The following NAALADL2 variants were observed in gnomAD, a reference collection of about 807,000 sequenced individuals.
The protein encoded by NAALADL2 is inactive N-acetylated-alpha-linked acidic dipeptidase-like protein 2.
In NAALADL2, 76 loss-of-function variants were observed where a neutral mutation model predicts 87.2. That is an observed-to-expected ratio of 0.87 (90% confidence interval 0.72 to 1.05). The LOEUF is 1.05. Ranked by LOEUF, NAALADL2 falls within the 50% of genes least tolerant of loss-of-function variation. The pLI, the probability that NAALADL2 is intolerant of heterozygous loss-of-function variation, is 0.00. For synonymous variants in NAALADL2, 354 were observed against 331.0 expected, an observed-to-expected ratio of 1.07 and a Z score of -0.75; for missense variants, 1,089 against 945.8, an observed-to-expected ratio of 1.15 and a Z score of -1.99.
chr3:175,153,246 T>G (rs575847170), intron 2 of NAALADL2, among the ~76,000 whole-genome samples: 3 of 152,238 alleles, frequency 2.0e-5, no homozygotes, highest in South Asian at 2.1e-4. Context: ...GAGGGAGAGA[T>G]AAAAGCCTGC....
intron 9 of NAALADL2, among the ~76,000 whole-genome samples, chr3:175,568,222 T>C (rs1240960270): frequency 2.0e-5 from 3 of 152,112 alleles, no homozygotes; most frequent in Admixed American, 2.0e-4. Context: ...TCAGTAATCA[T>C]AACCTTTTGT....
chr3:174,906,835 A>G (rs938441455), intron 1 of NAALADL2, among the ~76,000 whole-genome samples: 3 of 152,150 alleles, frequency 2.0e-5, no homozygotes, highest in African/African-American at 4.8e-5. Flanking sequence ...GTAGCAATAG[A>G]TAACAATACA....
chr3:174,634,934 C>T (rs1033001313), intron 2 of NAALADL2, among the ~76,000 whole-genome samples: 2 of 152,044 alleles, frequency 1.3e-5, no homozygotes, highest in Admixed American at 1.3e-4. Context: ...AGATTTTAAT[C>T]ACTGGAAAAT....
chr3:174,857,843 A>G (rs1187331884), upstream of NAALADL2, among the ~76,000 whole-genome samples: 2 of 152,102 alleles, frequency 1.3e-5, no homozygotes, highest in Non-Finnish European at 2.9e-5. Context: ...GAGGTAATAA[A>G]TGAAAGAGAC....
At chr3:174,882,587 A>G (rs1258601846) in intron 1 of NAALADL2, among the ~76,000 whole-genome samples, 3 of 137,374 alleles carry the variant, frequency 2.2e-5, no homozygotes, top group African/African-American at 6.8e-5. Flanking sequence ...TTATACACAT[A>G]TGTGTATATA....
At chr3:175,355,672 A>G (rs1253523895) in intron 5 of NAALADL2, among the ~76,000 whole-genome samples, 1 of 152,164 alleles carries the variant, frequency 6.6e-6, no homozygotes, top group East Asian at 1.9e-4. Flanking sequence ...TAAGGTAATG[A>G]TAATAATAAC....
intron 2 of NAALADL2, among the ~76,000 whole-genome samples, chr3:175,127,105 G>A (rs73176765): frequency 0.076 from 11,542 of 152,042 alleles, 548 homozygotes; most frequent in Non-Finnish European, 0.1. Flanking sequence ...ATGTTAGTCT[G>A]TTTGCCACTG....
At chr3:175,653,239 CAG>C (rs961196223) in intron 11 of NAALADL2, among the ~76,000 whole-genome samples, 1 of 151,882 alleles carries the variant, frequency 6.6e-6, no homozygotes, top group African/African-American at 2.4e-5. Context: ...AAAAAAAAAT[CAG>C]TGTAACTTTA....
At chr3:175,383,661 TA>T (rs1768041404) in intron 5 of NAALADL2, among the ~76,000 whole-genome samples, 1 of 151,926 alleles carries the variant, frequency 6.6e-6, no homozygotes, top group Non-Finnish European at 1.5e-5. Context: ...GCCCAGCTGG[TA>T]AACCTAACAG....
At chr3:174,930,613 A>ATTTTTTTTTT (rs1188907600) in intron 1 of NAALADL2, among the ~76,000 whole-genome samples, 7 of 99,774 alleles carry the variant, frequency 7.0e-5, no homozygotes, top group African/African-American at 3.1e-4. Context: ...AATAAGATGA[A>ATTTTTTTTTT]CTTTTTTTTT....
intron 3 of NAALADL2, among the ~76,000 whole-genome samples, chr3:175,239,736 T>G (rs561586783): frequency 6.6e-6 from 1 of 152,312 alleles, no homozygotes; most frequent in Admixed American, 6.5e-5. Flanking sequence ...AGAGCATAGT[T>G]CAACAGCCCA....
intron 5 of NAALADL2, among the ~76,000 whole-genome samples, chr3:175,428,700 ATT>A (rs1717234318): frequency 6.6e-6 from 1 of 151,990 alleles, no homozygotes; most frequent in Non-Finnish European, 1.5e-5. Context: ...GCCAACTTTA[ATT>A]CTCACTGGGA....
chr3:175,425,158 C>G (rs1461129848), intron 5 of NAALADL2, among the ~76,000 whole-genome samples: 1 of 152,096 alleles, frequency 6.6e-6, no homozygotes, highest in Admixed American at 6.6e-5. Flanking sequence ...ATTGTGGAAC[C>G]ATTCACAAAT....
At chr3:174,787,606 T>TATAC (rs1553855461) in intron 3 of NAALADL2, among the ~76,000 whole-genome samples, 37 of 104,772 alleles carry the variant, frequency 3.5e-4, no homozygotes, top group East Asian at 1.0e-3. Flanking sequence ...TATATATATA[T>TATAC]ATATATATAT....
chr3:175,321,280 TCAA>T (rs1759823126), intron 4 of NAALADL2, among the ~76,000 whole-genome samples: 2 of 132,654 alleles, frequency 1.5e-5, no homozygotes, highest in Admixed American at 7.9e-5. Context: ...TTGACAAAAT[TCAA>T]CAACCCTTCA....
At chr3:175,106,978 C>T (rs185986149) in intron 2 of NAALADL2, among the ~76,000 whole-genome samples, 4 of 151,944 alleles carry the variant, frequency 2.6e-5, no homozygotes, top group Non-Finnish European at 5.9e-5. Context: ...TTCTAGCTAA[C>T]GAGAGAGAAA....
chr3:174,833,314 T>G (rs1331336284), intron 3 of NAALADL2, among the ~76,000 whole-genome samples: 1 of 152,108 alleles, frequency 6.6e-6, no homozygotes, highest in Non-Finnish European at 1.5e-5. Flanking sequence ...TCAGATGAAG[T>G]GAACAAATTT....
Position 174,474,103 on chromosome 3 carries a change from A to G in NAALADL2, c.-184+33071A>G, listed in dbSNP as rs193290285. ...GTGGGGATTATGGTATTACAATTCA[A>G]GATAAGATTTGGATGGGGTCACAAA... On this transcript the variant is annotated intron_variant, in intron 1 of 3. Transcript: ENST00000434257. Among the ~76,000 whole-genome samples the G allele has an allele frequency of 1.6e-4, 25 of 152,292 alleles. 1 individual carries two copies. Among genetic ancestry groups the G allele is most frequent in the Admixed American group, 1.1e-3 (17 of 15,280 alleles).
intron 9 of NAALADL2, among the ~76,000 whole-genome samples, chr3:175,516,928 T>C (rs577182783): frequency 6.6e-6 from 1 of 152,320 alleles, no homozygotes; most frequent in African/African-American, 2.4e-5. Context: ...GCCCACCTTA[T>C]ATGTGCCACT....
Sources: allele counts gnomAD v4.1 joint callset (sites outside exome capture counted in the v4.1 genomes callset), GRCh38; gene constraint gnomAD v4.1.1; transcripts MANE v1.5; gene names NCBI Gene and HGNC (gene_info 2026-07-23, HGNC 2026-07-21).